CDH2: variants seen among roughly 807,000 people sequenced by gnomAD.
CDH2 encodes cadherin 2, also known as cadherin-2.
In CDH2, 17 loss-of-function variants were observed where a neutral mutation model predicts 92.0. The observed-to-expected ratio is 0.18, with a 90% CI of 0.13 to 0.28. The LOEUF (loss-of-function observed/expected upper bound fraction) is 0.28, where lower values mean the gene tolerates loss of function less well. Among genes scored for constraint, CDH2 ranks in the 10% least tolerant of loss-of-function variants. The probability of loss-of-function intolerance (pLI) is 1.00; values close to 1 mark genes in which losing one functional copy is unlikely to be tolerated. For synonymous variants in CDH2, 419 were observed against 415.9 expected (o/e 1.01, Z -0.09); for missense variants, 862 against 1,133.1 (o/e 0.76, Z 3.44).
intron 1 of CDH2, among the ~76,000 whole-genome samples, chr18:28,175,290 TC>T (rs1192714811): frequency 6.6e-6 from 1 of 151,950 alleles, no homozygotes; most frequent in Non-Finnish European, 1.5e-5. Context: ...AGTTCTGAAA[TC>T]CCCGAGTCAG....
chr18:28,109,535 C>T (rs1261154621), intron 2 of CDH2, among the ~76,000 whole-genome samples: 1 of 152,092 alleles, frequency 6.6e-6, no homozygotes, highest in Non-Finnish European at 1.5e-5. Flanking sequence ...TACATAGAAA[C>T]AAGACAATAG....
At chr18:28,152,928 C>T (rs1662172864) in intron 1 of CDH2, among the ~76,000 whole-genome samples, 1 of 152,088 alleles carries the variant, frequency 6.6e-6, no homozygotes, top group Non-Finnish European at 1.5e-5. Context: ...GGCAGGGACT[C>T]ACTGGGGGAG....
intron 14 of CDH2, among the ~76,000 whole-genome samples, chr18:27,967,816 GACTTGCAATGATTTAT>G (rs1285098442): frequency 1.3e-5 from 2 of 152,186 alleles, no homozygotes; most frequent in Non-Finnish European, 2.9e-5. Flanking sequence ...AAGTTAGCAT[GACTTGCAATGATTTAT>G]AATTAGTTTG....
intron 2 of CDH2, among the ~76,000 whole-genome samples, chr18:28,041,159 A>G (rs2013940538): frequency 6.6e-6 from 1 of 152,176 alleles, no homozygotes; most frequent in Admixed American, 6.5e-5. Context: ...AAAAAAATGT[A>G]TTTTCCTTAG....
chr18:27,962,869 T>C (rs748406210), intron 15 of CDH2, among the ~76,000 whole-genome samples: 1 of 151,996 alleles, frequency 6.6e-6, no homozygotes, highest in Non-Finnish European at 1.5e-5. Flanking sequence ...CTTAAATCAC[T>C]TACATAATAT....
At chr18:28,120,109 G>T (rs2015562312) in intron 2 of CDH2, among the ~76,000 whole-genome samples, 1 of 151,926 alleles carries the variant, frequency 6.6e-6, no homozygotes, top group South Asian at 2.1e-4. Context: ...AGCCAAAACT[G>T]CATTTTGCCT....
At chr18:28,163,803 A>G (rs2016340084) in intron 1 of CDH2, among the ~76,000 whole-genome samples, 1 of 152,252 alleles carries the variant, frequency 6.6e-6, no homozygotes, top group African/African-American at 2.4e-5. Flanking sequence ...ACATCTATGC[A>G]TGATGTATAT....
intron 1 of CDH2, among the ~76,000 whole-genome samples, chr18:28,164,748 GAC>G (rs1304064119): frequency 1.3e-5 from 2 of 152,084 alleles, no homozygotes; most frequent in African/African-American, 4.8e-5. Context: ...AGAAGCAAGA[GAC>G]AGATCTAGGA....
At chr18:27,961,310 G>C (rs775851596) in intron 15 of CDH2, among the ~76,000 whole-genome samples, 2 of 151,206 alleles carry the variant, frequency 1.3e-5, no homozygotes. Flanking sequence ...AAGAAATAGC[G>C]CTTGTCCTGG....
At chr18:28,095,289 G>T (rs1029267847) in intron 2 of CDH2, among the ~76,000 whole-genome samples, 1 of 151,462 alleles carries the variant, frequency 6.6e-6, no homozygotes, top group Non-Finnish European at 1.5e-5. Flanking sequence ...GAATTTAAAA[G>T]AAAAAAAAGG....
At chr18:28,173,731 G>T (rs1329576801) in intron 1 of CDH2, among the ~76,000 whole-genome samples, 1 of 152,062 alleles carries the variant, frequency 6.6e-6, no homozygotes. Context: ...GAACAATGGG[G>T]TTATGCAATT....
intron 1 of CDH2, among the ~76,000 whole-genome samples, chr18:28,160,521 G>C (rs1249141933): frequency 6.6e-6 from 1 of 152,196 alleles, no homozygotes; most frequent in Non-Finnish European, 1.5e-5. Context: ...GATTCTGACA[G>C]CTCGACCACT....
At chr18:28,133,471 A>C (rs1367057001) in intron 2 of CDH2, among the ~76,000 whole-genome samples, 2 of 150,932 alleles carry the variant, frequency 1.3e-5, no homozygotes, top group Non-Finnish European at 2.9e-5. Flanking sequence ...GGTCCCAGCT[A>C]CTCAGGAGGC....
chr18:28,035,539 T>G (rs1216845922), intron 2 of CDH2, among the ~76,000 whole-genome samples: 1 of 152,100 alleles, frequency 6.6e-6, no homozygotes, highest in African/African-American at 2.4e-5. Flanking sequence ...ATGACTCATA[T>G]TCATCTTGTT....
In CDH2 at chr18:27,992,167, A is replaced by G. The variant is rs1293532631; in HGVS notation, c.1344+488T>C. Among the ~76,000 whole-genome samples the G allele has an allele frequency of 3.9e-5, 6 of 152,296 alleles. No individual in the cohort carries two copies. The East Asian group carries it at 1.2e-3, about 29-fold the overall frequency. On this transcript the variant is annotated intron_variant, in intron 9 of 15. Coordinates refer to ENST00000269141, the MANE Select transcript of CDH2 (RefSeq NM_001792.5). The stretch of plus-strand genomic sequence containing the variant: ...CTTCTATGGCTTTTCTGGTTTGTTC[A>G]CTATCTGCCAATATTCTAATAGCTG...
intron 2 of CDH2, among the ~76,000 whole-genome samples, chr18:28,106,581 G>A (rs375053578): frequency 2.1e-4 from 32 of 151,382 alleles, no homozygotes; most frequent in East Asian, 9.8e-4. Context: ...AAAATATGAT[G>A]TCACATGTAA....
intron 2 of CDH2, among the ~76,000 whole-genome samples, chr18:28,083,072 A>G (rs924408306): frequency 6.6e-6 from 1 of 152,152 alleles, no homozygotes; most frequent in Admixed American, 6.6e-5. Flanking sequence ...CCTAGGGGAG[A>G]GACTTGGTAA....
intron 1 of CDH2, among the ~76,000 whole-genome samples, chr18:28,160,748 C>A (rs369790710): frequency 2.0e-5 from 3 of 152,072 alleles, no homozygotes; most frequent in Non-Finnish European, 4.4e-5. Context: ...CCAAGGGAGA[C>A]GAAGGGAAAG....
chr18:27,973,514 A>G (rs1419674423), intron 14 of CDH2, among the ~76,000 whole-genome samples: 1 of 152,138 alleles, frequency 6.6e-6, no homozygotes, highest in Admixed American at 6.5e-5. Flanking sequence ...GTTGTATTTC[A>G]TGAGCTGTGC....
Sources: allele counts gnomAD v4.1 joint callset (sites outside exome capture counted in the v4.1 genomes callset), GRCh38; gene constraint gnomAD v4.1.1; transcripts MANE v1.5; gene names NCBI Gene and HGNC (gene_info 2026-07-23, HGNC 2026-07-21).